PROS1: variants seen among roughly 807,000 people sequenced by gnomAD.
The protein encoded by PROS1 is protein S.
Under a neutral mutation model 75.9 loss-of-function variants are expected in PROS1, and 29 were observed. That is an observed-to-expected ratio of 0.38 (90% CI 0.28 to 0.52). The LOEUF (loss-of-function observed/expected upper bound fraction) is 0.52, where lower values mean the gene tolerates loss of function less well. Among genes scored for constraint, PROS1 ranks in the 20% least tolerant of loss-of-function variants. The pLI, the probability that PROS1 is intolerant of heterozygous loss-of-function variation, is 0.83. For missense variants in PROS1, 680 were observed against 810.3 expected (o/e 0.84, Z 1.95); for synonymous variants, 245 against 280.6 (o/e 0.87, Z 1.27).
intron 6 of PROS1, among the ~76,000 whole-genome samples, chr3:93,902,472 G>A (rs1708609679): frequency 6.6e-6 from 1 of 152,086 alleles, no homozygotes; most frequent in Non-Finnish European, 1.5e-5. Flanking sequence ...TATTCTTTCA[G>A]CTGGGCACAG....
Position 93,927,256 on chromosome 3 carries a change from CG to C in PROS1, c.227del (p.Pro76ArgfsTer11), listed in dbSNP as rs1308209344. The C allele has an allele frequency of 6.2e-7, 1 of 1,612,144 alleles. No homozygotes were observed. Among genetic ancestry groups the C allele is most frequent in the East Asian group, 2.2e-5 (1 of 44,872 alleles). ...AGTTTCCATAAATGCTTACCGTTTCCGGGTCATTTTCAAAGACCTCCCTGGC... is the reference window on the plus strand; with the variant it reads ...AGTTTCCATAAATGCTTACCGTTTCCGGTCATTTTCAAAGACCTCCCTGGC... ...EEAREVFEND[P>X]ETDYFYPKYL... On this transcript the variant is annotated frameshift_variant, in exon 2 of 15. Coordinates refer to ENST00000394236, the MANE Select transcript of PROS1 (RefSeq NM_000313.4). LOFTEE classifies it high-confidence loss of function.
chr3:93,950,254 G>A (rs1709474340), intron 1 of PROS1, among the ~76,000 whole-genome samples: 1 of 152,162 alleles, frequency 6.6e-6, no homozygotes, highest in Admixed American at 6.5e-5. Flanking sequence ...CCACCTCTAG[G>A]GGCAGGGCTT....
intron 1 of PROS1, among the ~76,000 whole-genome samples, chr3:93,932,997 G>A (rs1182998153): frequency 6.6e-6 from 1 of 152,156 alleles, no homozygotes; most frequent in African/African-American, 2.4e-5. Context: ...CCCTCCAAAA[G>A]CTCATCTCTC....
intron 1 of PROS1, among the ~76,000 whole-genome samples, chr3:93,939,671 G>A (rs1487839766): frequency 6.6e-6 from 1 of 152,090 alleles, no homozygotes; most frequent in Non-Finnish European, 1.5e-5. Flanking sequence ...TCCCAAAGCA[G>A]TTAGTGTTTA....
chr3:93,901,654 T>G (rs1708594901), intron 6 of PROS1, among the ~76,000 whole-genome samples: 1 of 152,226 alleles, frequency 6.6e-6, no homozygotes, highest in Non-Finnish European at 1.5e-5. Flanking sequence ...ATGTTTTCTA[T>G]TCTAAAAGTT....
In PROS1 at chr3:93,926,354, G is replaced by A. The variant is rs117700761; in HGVS notation, c.234+896C>T. ...CTTTCATGTAAAGTAACAGTGGGCC[G>A]GGCGCAGTGGCTCATGCCTGTAATC... On this transcript the variant is annotated intron_variant, in intron 2 of 14. Transcript: ENST00000394236. 1.8e-3 allele frequency among the ~76,000 whole-genome samples: 270 copies of A among 152,288 alleles called. 2 individuals carry two copies. The East Asian group carries it at 0.047, about 26-fold the overall frequency.
chr3:93,944,759 G>A (rs1559946857), intron 1 of PROS1, among the ~76,000 whole-genome samples: 4 of 151,950 alleles, frequency 2.6e-5, no homozygotes, highest in Admixed American at 2.6e-4. Flanking sequence ...AGAGAAGCAA[G>A]AGCAAACACA....
Position 93,883,524 on chromosome 3 carries a change from G to A in PROS1, c.1492+1204C>T, listed in dbSNP as rs1208184538. Among the ~76,000 whole-genome samples the A allele has an allele frequency of 2.6e-5, 4 of 151,956 alleles. No individual in the cohort carries two copies. The South Asian group carries it at 8.3e-4, about 32-fold the overall frequency. On this transcript the variant is annotated intron_variant, in intron 12 of 14. Transcript: ENST00000394236. The stretch of plus-strand genomic sequence containing the variant: ...CATGAGAATCACTTGAACCTGCAAG[G>A]TGGAGGTTGCGGTGAGCCGAGATTG...
chr3:93,915,626 A>G (rs1313081933), intron 3 of PROS1, among the ~76,000 whole-genome samples: 2 of 152,300 alleles, frequency 1.3e-5, no homozygotes, highest in East Asian at 3.9e-4. Flanking sequence ...ACCTTGTAAC[A>G]ATGTTGGTCT....
At chr3:93,919,676 A>G (rs1278617041) in intron 3 of PROS1, among the ~76,000 whole-genome samples, 1 of 152,158 alleles carries the variant, frequency 6.6e-6, no homozygotes, top group Non-Finnish European at 1.5e-5. Flanking sequence ...GTCATCAGTC[A>G]CAAAGATATT....
chr3:93,927,979 A>G (rs1216368122), intron 1 of PROS1, among the ~76,000 whole-genome samples: 4 of 79,808 alleles, frequency 5.0e-5, no homozygotes, highest in South Asian at 8.4e-4. Context: ...GTGTGTATAT[A>G]TATGTGTGTG....
chr3:93,933,992 G>C (rs1380640155), intron 1 of PROS1, among the ~76,000 whole-genome samples: 2 of 129,500 alleles, frequency 1.5e-5, no homozygotes, highest in Non-Finnish European at 3.1e-5. Context: ...CTGGGCGACA[G>C]AAAGAGACTC....
intron 14 of PROS1, among the ~76,000 whole-genome samples, chr3:93,875,094 C>A (rs1298997206): frequency 1.3e-5 from 2 of 151,990 alleles, no homozygotes; most frequent in Non-Finnish European, 2.9e-5. Context: ...TCTAACTTGC[C>A]AACACAGTGA....
At chr3:93,932,425 G>T (rs1446386520) in intron 1 of PROS1, among the ~76,000 whole-genome samples, 1 of 152,176 alleles carries the variant, frequency 6.6e-6, no homozygotes, top group Non-Finnish European at 1.5e-5. Context: ...TCTCAAGAAA[G>T]TCCTTGTTAA....
At chr3:93,881,827 A>G (rs1157084763) in intron 12 of PROS1, among the ~76,000 whole-genome samples, 1 of 152,102 alleles carries the variant, frequency 6.6e-6, no homozygotes, top group African/African-American at 2.4e-5. Flanking sequence ...TCAGCCTCCT[A>G]AAGTGCTGGG....
Position 93,879,263 on chromosome 3 carries a change from C to T in PROS1, c.1544G>A (p.Arg515His), listed in dbSNP as rs769700380. Residue 515 changes from arginine to histidine, a missense_variant, in exon 13 of 15, where the codon CGT becomes CAT. Arg to His is a conservative substitution (Grantham distance 29). Transcript: ENST00000394236. Reference protein sequence around the residue: ...GWHVNVTLNIRPSTGTGVMLA... With the variant: ...GWHVNVTLNIHPSTGTGVMLA... Reference sequence around the variant, plus strand: ...CATAACACCAGTGCCCGTGGATGGACGAATATTCAAGGTCACATTTACATG... The same window carrying T: ...CATAACACCAGTGCCCGTGGATGGATGAATATTCAAGGTCACATTTACATG... The T allele has an allele frequency of 9.9e-6, 16 of 1,613,812 alleles. No homozygotes were observed. The highest frequency in any genetic ancestry group is 2.2e-5 in the East Asian group (1 of 44,854).
intron 3 of PROS1, among the ~76,000 whole-genome samples, chr3:93,913,018 C>T (rs917817666): frequency 1.3e-5 from 2 of 152,126 alleles, no homozygotes; most frequent in African/African-American, 2.4e-5. Context: ...GTGTCCCCAC[C>T]GAAAAATCTC....
intron 2 of PROS1, among the ~76,000 whole-genome samples, chr3:93,926,270 TATTTAA>T (rs1709015292): frequency 6.6e-6 from 1 of 152,346 alleles, no homozygotes; most frequent in South Asian, 2.1e-4. Context: ...CTTTGAGATC[TATTTAA>T]AATCTATTTA....
intron 1 of PROS1, among the ~76,000 whole-genome samples, chr3:93,964,925 G>C (rs1320109945): frequency 6.6e-6 from 1 of 152,124 alleles, no homozygotes; most frequent in Non-Finnish European, 1.5e-5. Context: ...GGATTTCCTA[G>C]GCCAACTAAG....
Sources: allele counts gnomAD v4.1 joint callset (sites outside exome capture counted in the v4.1 genomes callset), GRCh38; gene constraint gnomAD v4.1.1; transcripts MANE v1.5; gene names NCBI Gene and HGNC (gene_info 2026-07-23, HGNC 2026-07-21).